THSD7B: variants seen among roughly 807,000 people sequenced by gnomAD.
THSD7B encodes thrombospondin type 1 domain containing 7B.
THSD7B carries 138 observed loss-of-function variants against 213.6 expected under a neutral mutation model. That is an observed-to-expected ratio of 0.65 (90% CI 0.56 to 0.74). The LOEUF (loss-of-function observed/expected upper bound fraction) is 0.74, where lower values mean the gene tolerates loss of function less well. Among genes scored for constraint, THSD7B ranks in the 30% least tolerant of loss-of-function variants. The probability of loss-of-function intolerance (pLI) is 0.00; values close to 1 mark genes in which losing one functional copy is unlikely to be tolerated. For missense variants in THSD7B, 1,931 were observed against 1,991.5 expected, an observed-to-expected ratio of 0.97 and a Z score of 0.58; for synonymous variants, 742 against 687.0, an observed-to-expected ratio of 1.08 and a Z score of -1.25.
chr2:137,348,228 C>G (rs938697603), intron 12 of THSD7B, among the ~76,000 whole-genome samples: 1 of 151,674 alleles, frequency 6.6e-6, no homozygotes, highest in Non-Finnish European at 1.5e-5. Context: ...CCACTGTACT[C>G]TCTAGATGCA....
chr2:136,824,983 A>G (rs1413204138), intron 1 of THSD7B, among the ~76,000 whole-genome samples: 1 of 152,226 alleles, frequency 6.6e-6, no homozygotes, highest in African/African-American at 2.4e-5. Flanking sequence ...GGATGCCATG[A>G]AACTGTTAAG....
chr2:137,365,025 G>A (rs953559117), intron 12 of THSD7B, among the ~76,000 whole-genome samples: 9 of 152,028 alleles, frequency 5.9e-5, no homozygotes, highest in African/African-American at 1.9e-4. Context: ...ACAGCATGGT[G>A]CTGGTACCAG....
At chr2:137,585,075 A>G (rs190135476) in intron 17 of THSD7B, among the ~76,000 whole-genome samples, 1 of 152,118 alleles carries the variant, frequency 6.6e-6, no homozygotes. Flanking sequence ...GGGAAGTTGT[A>G]TGTGTCCAGG....
At chr2:136,940,711 G>GTGTA (rs1386755777) in intron 2 of THSD7B, among the ~76,000 whole-genome samples, 11 of 138,160 alleles carry the variant, frequency 8.0e-5, no homozygotes, top group African/African-American at 3.0e-4. Flanking sequence ...GTGTGTGTGT[G>GTGTA]TATATATATA....
intron 3 of THSD7B, among the ~76,000 whole-genome samples, chr2:137,066,987 G>A (rs1316850008): frequency 2.0e-5 from 3 of 151,968 alleles, no homozygotes; most frequent in East Asian, 3.9e-4. Flanking sequence ...GCCTATCAAA[G>A]GTACTTTTTG....
At chr2:137,463,806 C>A (rs182469234) in intron 15 of THSD7B, among the ~76,000 whole-genome samples, 104 of 152,166 alleles carry the variant, frequency 6.8e-4, no homozygotes, top group African/African-American at 2.4e-3. Context: ...TAACAAATAT[C>A]TCATCTTCAC....
chr2:136,897,776 T>C, intron 2 of THSD7B, among the ~76,000 whole-genome samples: 1 of 151,992 alleles, frequency 6.6e-6, no homozygotes, highest in South Asian at 2.1e-4. Context: ...AGAGCGCTGA[T>C]TGGTGCGCTT....
intron 17 of THSD7B, among the ~76,000 whole-genome samples, chr2:137,603,662 C>T (rs1365077738): frequency 6.6e-6 from 1 of 152,192 alleles, no homozygotes; most frequent in Non-Finnish European, 1.5e-5. Context: ...ATTTTGATCT[C>T]TGTTTTGCTT....
intron 12 of THSD7B, among the ~76,000 whole-genome samples, chr2:137,380,958 G>T (rs1685760750): frequency 6.6e-6 from 1 of 152,218 alleles, no homozygotes; most frequent in African/African-American, 2.4e-5. Flanking sequence ...GCCACGGTGT[G>T]TACCCAGGCT....
intron 7 of THSD7B, among the ~76,000 whole-genome samples, chr2:137,200,471 G>T (rs1325868592): frequency 1.3e-5 from 2 of 151,744 alleles, no homozygotes; most frequent in Admixed American, 6.6e-5. Context: ...TATTTTTAAA[G>T]AACATTTTTA....
chr2:136,872,255 G>C (rs1458144675), intron 1 of THSD7B, among the ~76,000 whole-genome samples: 1 of 152,058 alleles, frequency 6.6e-6, no homozygotes, highest in Non-Finnish European at 1.5e-5. Flanking sequence ...GGTTTCCTCT[G>C]TTCTCCATTC....
chr2:137,254,559 C>T (rs948254865), intron 10 of THSD7B, among the ~76,000 whole-genome samples: 4 of 152,146 alleles, frequency 2.6e-5, no homozygotes, highest in Non-Finnish European at 4.4e-5. Context: ...AAGAGCTTGA[C>T]CTTTTTTAGA....
chr2:137,286,329 C>A (rs1683178241), intron 12 of THSD7B, among the ~76,000 whole-genome samples: 1 of 152,050 alleles, frequency 6.6e-6, no homozygotes, highest in Admixed American at 6.6e-5. Flanking sequence ...CATCATCCAA[C>A]TTTCGTCTGG....
At chr2:137,629,126 G>T (rs899753547) in intron 20 of THSD7B, among the ~76,000 whole-genome samples, 1 of 152,034 alleles carries the variant, frequency 6.6e-6, no homozygotes, top group Non-Finnish European at 1.5e-5. Context: ...GATGGTTCTG[G>T]ACCATAAAAA....
intron 1 of THSD7B, among the ~76,000 whole-genome samples, chr2:136,839,632 A>G (rs1484299024): frequency 6.6e-6 from 1 of 152,182 alleles, no homozygotes; most frequent in Non-Finnish European, 1.5e-5. Context: ...GACCTGCACA[A>G]TGGAGGGTAT....
At chr2:137,659,518 C>T in intron 24 of THSD7B, 146 bp from the exon 25 acceptor site, 1 of 687,382 alleles carries the variant, frequency 1.5e-6, no homozygotes, top group Non-Finnish European at 2.4e-6. Context: ...ATAAAATAGG[C>T]TTGGACCACA....
chr2:137,311,344 T>C (rs1051936620), intron 12 of THSD7B, among the ~76,000 whole-genome samples: 5 of 151,980 alleles, frequency 3.3e-5, no homozygotes, highest in African/African-American at 9.7e-5. Flanking sequence ...GTGATTTTTG[T>C]ACATTGATTT....
Position 136,900,490 on chromosome 2 carries a change from T to A in THSD7B, c.139+18173T>A, listed in dbSNP as rs755344089. ...CACACACACCACACAACAAAATCTC[T>A]TTGTATTTTTGTTTGAAAAAAACAG... On this transcript the variant is annotated intron_variant, in intron 2 of 27. Transcript: ENST00000409968. Among the ~76,000 whole-genome samples the A allele has an allele frequency of 4.9e-4, 75 of 152,096 alleles. 3 individuals are homozygous for A. Among genetic ancestry groups the A allele is most frequent in the Non-Finnish European group, 2.8e-4 (19 of 68,020 alleles).
At chr2:137,596,296 A>G (rs1439323655) in intron 17 of THSD7B, among the ~76,000 whole-genome samples, 2 of 152,086 alleles carry the variant, frequency 1.3e-5, no homozygotes, top group South Asian at 2.1e-4. Flanking sequence ...GGAGGCAGAT[A>G]ACACAGGACT....
Sources: gnomAD v4.1 joint callset for allele counts (sites outside exome capture counted in the v4.1 genomes callset) on GRCh38, gnomAD v4.1.1 for gene constraint, MANE v1.5 for transcripts, NCBI Gene and HGNC (gene_info 2026-07-23, HGNC 2026-07-21) for gene names.